The following CCDC88A variants were observed in gnomAD, a reference collection of about 807,000 sequenced individuals.
The protein encoded by CCDC88A is coiled-coil and HOOK domain protein 88A.
In CCDC88A, 54 loss-of-function variants were observed where a neutral mutation model predicts 234.3. That is an observed-to-expected ratio of 0.23 (90% CI 0.19 to 0.29). The LOEUF (loss-of-function observed/expected upper bound fraction) is 0.29, where lower values mean the gene tolerates loss of function less well. CCDC88A is among the 10% of genes least tolerant of loss of function. CCDC88A has a pLI of 1.00. For missense variants in CCDC88A, 1,832 were observed against 2,123.4 expected (o/e 0.86, Z 2.70); for synonymous variants, 753 against 737.8 (o/e 1.02, Z -0.33).
At chr2:55,303,391 CTT>C (rs397965492) in intron 25 of CCDC88A, among the ~76,000 whole-genome samples, 11 of 135,420 alleles carry the variant, frequency 8.1e-5, no homozygotes, top group Admixed American at 1.5e-4. Context: ...GGAACATATA[CTT>C]TTTTTTTTTT....
At chr2:55,399,645 C>T (rs370623584) in intron 2 of CCDC88A, 9 of 151,938 alleles carry the variant, frequency 5.9e-5, no homozygotes, top group African/African-American at 1.7e-4. Context: ...TTTTTAAGCA[C>T]GTAAAACATT....
chr2:55,328,221 TA>T lies in CCDC88A; in HGVS notation c.2997+72del. 7 of 1,109,818 alleles carry T rather than the reference TA, an allele frequency of 6.3e-6. No homozygotes were observed. Among genetic ancestry groups the T allele is most frequent in the Non-Finnish European group, 8.9e-6 (7 of 783,584 alleles). 68.7% of individuals were successfully genotyped at this position (1,109,818 alleles called of 1,614,324 possible). Reference sequence around the variant, plus strand: ...ATAAAATGTTTATATTTTTATTTTCTACTTTATATTTTTCTGTCCAAATATT... The same window carrying T: ...ATAAAATGTTTATATTTTTATTTTCTCTTTATATTTTTCTGTCCAAATATT... On this transcript the variant is annotated intron_variant, in intron 17 of 32. Coordinates refer to ENST00000436346, the MANE Select transcript of CCDC88A (RefSeq NM_001365480.1). This position sits in a 1 kb window ranked among gnomAD's most constrained non-coding sequence, Gnocchi z 4.3.
intron 17 of CCDC88A, among the ~76,000 whole-genome samples, chr2:55,325,264 A>G (rs1458568565): frequency 1.3e-5 from 2 of 152,176 alleles, no homozygotes; most frequent in Non-Finnish European, 2.9e-5. Flanking sequence ...TCTTGCACAC[A>G]TTTCCTTAAA....
rs755397591 is a variant in CCDC88A at position 55,322,678 on chromosome 2, A to G, written c.3012T>C (p.Tyr1004=). The stretch of plus-strand genomic sequence containing the variant: ...CATCTTGTCTCTGTTTGAGAGCTTC[A>G]TAATTTTTTTTCACCTAAAATTTTA... The part of the protein sequence containing the change: ...RQELKTVKKN[Y]EALKQRQDEE... Residue 1004 remains tyrosine (Y), a synonymous_variant, in exon 18 of 33, where the codon TAT becomes TAC. Coordinates refer to ENST00000436346, the MANE Select transcript of CCDC88A (RefSeq NM_001365480.1). 6 of 1,531,224 alleles carry G rather than the reference A, an allele frequency of 3.9e-6. No homozygotes were observed. The highest frequency in any genetic ancestry group is 5.3e-6 in the Non-Finnish European group (6 of 1,142,046). The allele number at this position is 1,531,224 out of a possible 1,614,324, so 94.9% of individuals were successfully genotyped here. A position where few individuals can be genotyped will look rare whatever the true frequency, so the allele number is the denominator to read the frequency against.
intron 2 of CCDC88A, chr2:55,405,588 T>C (rs4672033): frequency 0.86 from 131,668 of 152,268 alleles, 57,320 homozygotes; most frequent in Admixed American, 0.93. Flanking sequence ...AGTACAGGTC[T>C]GTGCCCTGTT....
rs987480188 is a variant in CCDC88A, at chr2:55,345,904, AGGACTT to A, written c.1041+265_1041+270del. 29 of 247,416 alleles carry A rather than the reference AGGACTT, an allele frequency of 1.2e-4. 1 individual carries two copies. Among genetic ancestry groups the A allele is most frequent in the African/African-American group, 2.0e-4 (9 of 45,034 alleles). The allele number at this position is 247,416 out of a possible 1,614,324, so 15.3% of individuals were successfully genotyped here. The stretch of plus-strand genomic sequence containing the variant: ...AAGTAAATATTTTGACTACAAGGGA[AGGACTT>A]CAAAGGTCTGCTCTATATATGATGC... On this transcript the variant is annotated intron_variant, in intron 10 of 32. Transcript: ENST00000436346.
chr2:55,334,010 C>T lies in CCDC88A; in HGVS notation c.2727+84G>A, dbSNP rs1685220319. 6 of 461,566 alleles carry T rather than the reference C, an allele frequency of 1.3e-5. No individual in the cohort carries two copies. The highest frequency in any genetic ancestry group is 1.8e-5 in the Non-Finnish European group (5 of 270,846). 28.6% of individuals were successfully genotyped at this position (461,566 alleles called of 1,614,324 possible). A position where few individuals can be genotyped will look rare whatever the true frequency, so the allele number is the denominator to read the frequency against. On this transcript the variant is annotated intron_variant, in intron 15 of 32. Coordinates refer to ENST00000436346, the MANE Select transcript of CCDC88A (RefSeq NM_001365480.1). This position sits in a 1 kb window ranked among gnomAD's most constrained non-coding sequence, Gnocchi z 6.1. The stretch of plus-strand genomic sequence containing the variant: ...ACCATAAAATAAATGATGCAAATTA[C>T]TGATAGATTCCAATAAAACTTAAAG...
chr2:55,401,447 A>AAAAAAAAAAAAAATAT (rs1334606165), intron 2 of CCDC88A, among the ~76,000 whole-genome samples: 1 of 27,160 alleles, frequency 3.7e-5, no homozygotes, highest in African/African-American at 9.0e-5. Context: ...AAAAAAAAAA[A>AAAAAAAAAAAAAATAT]ATATATATAT....
rs552425167 is a variant in CCDC88A at position 55,328,097 on chromosome 2, T to G, written c.2997+197A>C. On this transcript the variant is annotated intron_variant, in intron 17 of 32. Transcript: ENST00000436346. The surrounding 1 kb of genome is among the most constrained non-coding windows in gnomAD (Gnocchi z 4.3). ...ACAGCAGGCAGGAATATTACACACA[T>G]GAAATAGCACTGAATAAGCTATACC... Among the ~76,000 whole-genome samples, 3 of 152,234 alleles carry G rather than the reference T, an allele frequency of 2.0e-5. No individual in the cohort carries two copies. In the East Asian group the frequency reaches 5.8e-4, roughly 29 times the overall value.
intron 19 of CCDC88A, among the ~76,000 whole-genome samples, chr2:55,318,560 A>G (rs964782029): frequency 2.0e-5 from 3 of 152,178 alleles, no homozygotes; most frequent in Non-Finnish European, 4.4e-5. Flanking sequence ...CTGCAAGCAT[A>G]CTCTAAAGCA....
Position 55,332,604 on chromosome 2 carries a change from C to A in CCDC88A, c.2817G>T (p.Lys939Asn). 6.2e-7 allele frequency: 1 copy of A among 1,613,442 alleles called. No homozygotes were observed. The highest frequency in any genetic ancestry group is 8.5e-7 in the Non-Finnish European group (1 of 1,179,776). ...THELEKIGLN[K>N]ERLLHDEQST... The stretch of plus-strand genomic sequence containing the variant: ...TTTGTTCATCATGTAAGAGTCGCTC[C>A]TTATTTAACCCTATCTTCTCAAGCT... The change falls in exon 16 of 33, where the codon AAG becomes AAT. Residue 939 changes from lysine (K) to asparagine (N), a missense_variant. By Grantham distance (94) the Lys-to-Asn change is moderately conservative. Coordinates refer to ENST00000436346, the MANE Select transcript of CCDC88A (RefSeq NM_001365480.1). The surrounding 1 kb of genome is among the most constrained non-coding windows in gnomAD (Gnocchi z 4.5).
At chr2:55,320,337 TGAATAG>T (rs1683469589) in intron 18 of CCDC88A, among the ~76,000 whole-genome samples, 1 of 152,050 alleles carries the variant, frequency 6.6e-6, no homozygotes, top group Non-Finnish European at 1.5e-5. Flanking sequence ...TAGTCTATAA[TGAATAG>T]AAGAGATAGC....
intron 29 of CCDC88A, among the ~76,000 whole-genome samples, chr2:55,298,667 C>T (rs1358803298): frequency 1.3e-5 from 2 of 151,716 alleles, no homozygotes; most frequent in Admixed American, 6.6e-5. Context: ...CACAGGAGTT[C>T]GAGACAAGCC....
At position 55,419,544 on chromosome 2, in the gene CCDC88A, C is replaced by T. The variant is rs570510701; in HGVS notation, c.-465G>A. 6.1e-6 allele frequency: 1 copy of T among 162,868 alleles called. No individual in the cohort carries two copies. The highest frequency in any genetic ancestry group is 2.4e-5 in the African/African-American group (1 of 41,580). 10.1% of individuals were successfully genotyped at this position (162,868 alleles called of 1,614,324 possible). ...CGCCACCAGACTCGACCTCGGCGTT[C>T]CGACCTCTACACGTTCCACCCACCG... On this transcript the variant is annotated 5_prime_UTR_variant, in exon 1 of 33. Transcript: ENST00000436346.
At chr2:55,326,802 C>T (rs1269765388) in intron 17 of CCDC88A, among the ~76,000 whole-genome samples, 3 of 152,062 alleles carry the variant, frequency 2.0e-5, no homozygotes, top group African/African-American at 7.2e-5. Flanking sequence ...AACTCCCAAC[C>T]TAAAAAGATC....
intron 3 of CCDC88A, among the ~76,000 whole-genome samples, chr2:55,379,273 G>C (rs996151359): frequency 2.0e-5 from 3 of 152,118 alleles, no homozygotes; most frequent in African/African-American, 7.2e-5. Flanking sequence ...ATGAGCCCAA[G>C]ATGAGTTTAC....
intron 3 of CCDC88A, among the ~76,000 whole-genome samples, chr2:55,384,388 C>G (rs537433544): frequency 6.7e-6 from 1 of 149,562 alleles, no homozygotes; most frequent in Admixed American, 6.7e-5. Context: ...TTTCCTGGCA[C>G]TAGAACTATG....
chr2:55,380,074 A>AAAC (rs1553425985), intron 3 of CCDC88A, among the ~76,000 whole-genome samples: 1 of 149,072 alleles, frequency 6.7e-6, no homozygotes, highest in Non-Finnish European at 1.5e-5. Context: ...AAAAAAAAAA[A>AAAC]AAAAAAAAAA....
chr2:55,301,864 G>A lies in CCDC88A; in HGVS notation c.4672+8C>T. Reference sequence around the variant, plus strand: ...TACACCACAGTGCAAATAGCAGACAGCCTATACCTTTATTATTAACCAACT... The same window carrying A: ...TACACCACAGTGCAAATAGCAGACAACCTATACCTTTATTATTAACCAACT... On this transcript the variant is annotated splice_region_variant and intron_variant, in intron 27 of 32. Coordinates refer to ENST00000436346, the MANE Select transcript of CCDC88A (RefSeq NM_001365480.1). The A allele has an allele frequency of 6.2e-7, 1 of 1,611,668 alleles. No individual in the cohort carries two copies.
Sources: gnomAD v4.1 joint callset for allele counts (sites outside exome capture counted in the v4.1 genomes callset) on GRCh38, gnomAD v4.1.1 for gene constraint, Gnocchi (gnomAD v3.1) non-coding constraint, MANE v1.5 for transcripts, NCBI Gene and HGNC (gene_info 2026-07-23, HGNC 2026-07-21) for gene names.